Variants in HIBCH observed in about 807,000 individuals in gnomAD.
HIBCH encodes 3-hydroxyisobutyryl-CoA hydrolase, mitochondrial.
A neutral mutation model predicts 58.2 loss-of-function variants in HIBCH; 50 were observed. The observed-to-expected ratio is 0.86, with a 90% CI of 0.68 to 1.09. The LOEUF (loss-of-function observed/expected upper bound fraction) is 1.09, where lower values mean the gene tolerates loss of function less well. HIBCH is among the 50% of genes least tolerant of loss of function. The probability of loss-of-function intolerance (pLI) is 0.00; values close to 1 mark genes in which losing one functional copy is unlikely to be tolerated. For missense variants in HIBCH, 450 were observed against 449.7 expected (o/e 1.00, Z -0.01); for synonymous variants, 151 against 146.9 (o/e 1.03, Z -0.20).
intron 11 of HIBCH, among the ~76,000 whole-genome samples, chr2:190,229,865 T>C (rs939897817): frequency 6.6e-6 from 1 of 151,180 alleles, no homozygotes; most frequent in African/African-American, 2.4e-5. Context: ...TTAAGGAAAA[T>C]CTAAAACAGT....
intron 6 of HIBCH, among the ~76,000 whole-genome samples, chr2:190,267,207 T>C (rs1185563515): frequency 6.6e-6 from 1 of 152,058 alleles, no homozygotes; most frequent in Admixed American, 6.6e-5. Flanking sequence ...TTTGTTGTTG[T>C]TGTTTTGTTT....
intron 11 of HIBCH, among the ~76,000 whole-genome samples, chr2:190,240,366 T>A (rs867595753): frequency 6.6e-6 from 1 of 152,178 alleles, no homozygotes; most frequent in Non-Finnish European, 1.5e-5. Context: ...CATTTTTTAT[T>A]GTGTCTATTT....
chr2:190,239,186 A>G (rs1305025907), intron 11 of HIBCH, among the ~76,000 whole-genome samples: 1 of 152,240 alleles, frequency 6.6e-6, no homozygotes, highest in Non-Finnish European at 1.5e-5. Context: ...GCATATGGCT[A>G]GCCAAGTTTC....
intron 11 of HIBCH, among the ~76,000 whole-genome samples, chr2:190,225,622 T>C (rs2105914202): frequency 6.6e-6 from 1 of 152,316 alleles, no homozygotes; most frequent in South Asian, 2.1e-4. Context: ...ATTGAGGCAA[T>C]AATTAATAGC....
rs188339 is a variant in HIBCH at position 190,294,506 on chromosome 2, A to G, written c.304+40T>C. ...TTGACAATACTTGATCAGTTCTAGT[A>G]GGGGGAAAGAGCACTCAGGTGAAAG... On this transcript the variant is annotated intron_variant, in intron 4 of 13. Coordinates refer to ENST00000359678, the MANE Select transcript of HIBCH (RefSeq NM_014362.4). 953,471 of 1,276,878 alleles carry G rather than the reference A, an allele frequency of 0.75. 358,662 individuals are homozygous for G. Among genetic ancestry groups the G allele is most frequent in the Admixed American group, 0.77 (45,925 of 59,542 alleles). The allele number at this position is 1,276,878 out of a possible 1,614,324, so 79.1% of individuals were successfully genotyped here. A position where few individuals can be genotyped will look rare whatever the true frequency, so the allele number is the denominator to read the frequency against.
chr2:190,300,982 T>C (rs1190584567), intron 2 of HIBCH, among the ~76,000 whole-genome samples: 1 of 151,736 alleles, frequency 6.6e-6, no homozygotes, highest in African/African-American at 2.4e-5. Flanking sequence ...GGCTGTAAGT[T>C]AGTCAAAAGA....
At position 190,211,573 on chromosome 2, in the gene HIBCH, C is replaced by G. The variant is rs1690512748; in HGVS notation, c.1011+1383G>C. Among the ~76,000 whole-genome samples the G allele has an allele frequency of 6.6e-6, 1 of 152,298 alleles. No individual in the cohort carries two copies. The highest frequency in any genetic ancestry group is 2.4e-5 in the African/African-American group (1 of 41,580). On this transcript the variant is annotated intron_variant, in intron 12 of 13. Coordinates refer to ENST00000359678, the MANE Select transcript of HIBCH (RefSeq NM_014362.4). The surrounding 1 kb of genome is among the most constrained non-coding windows in gnomAD (Gnocchi z 5.0). ...TCTTCTCAACATACTCCTTTCTCATCCTTTAGGTCACAAATGAAGTGACAT... is the reference window on the plus strand; with the variant it reads ...TCTTCTCAACATACTCCTTTCTCATGCTTTAGGTCACAAATGAAGTGACAT...
In HIBCH at chr2:190,304,141, G is replaced by A. The variant is rs1370609070; in HGVS notation, c.78+6613C>T. Among the ~76,000 whole-genome samples the A allele has an allele frequency of 1.3e-5, 2 of 149,660 alleles. No homozygotes were observed. The highest frequency in any genetic ancestry group is 4.9e-5 in the African/African-American group (2 of 40,582). On this transcript the variant is annotated intron_variant, in intron 2 of 13. Coordinates refer to ENST00000359678, the MANE Select transcript of HIBCH (RefSeq NM_014362.4). This position sits in a 1 kb window ranked among gnomAD's most constrained non-coding sequence, Gnocchi z 4.1. ...TTGATTTCTGGAACAGAATATTAATGAAAAAAAACTGGTGAAATCCAAATA... is the reference window on the plus strand; with the variant it reads ...TTGATTTCTGGAACAGAATATTAATAAAAAAAAACTGGTGAAATCCAAATA...
chr2:190,294,020 G>GTATATATATATATATA (rs1413194024), intron 4 of HIBCH, among the ~76,000 whole-genome samples: 50 of 125,808 alleles, frequency 4.0e-4, no homozygotes, highest in Admixed American at 1.1e-3. Context: ...TATATTTTGT[G>GTATATATATATATATA]TGTATATATA....
At chr2:190,297,081 C>T (rs1014230822) in intron 2 of HIBCH, 128 bp from the exon 3 acceptor site, 9 of 834,432 alleles carry the variant, frequency 1.1e-5, no homozygotes, top group African/African-American at 1.7e-5. Flanking sequence ...TAACTAGGTA[C>T]ACCTTATAAG....
chr2:190,229,394 G>A (rs888995045), intron 11 of HIBCH, among the ~76,000 whole-genome samples: 2 of 152,190 alleles, frequency 1.3e-5, no homozygotes, highest in Non-Finnish European at 2.9e-5. Flanking sequence ...ATACATGGGT[G>A]TAATTTTGCT....
chr2:190,262,759 C>T (rs957810294), intron 6 of HIBCH, among the ~76,000 whole-genome samples: 1 of 152,140 alleles, frequency 6.6e-6, no homozygotes, highest in Non-Finnish European at 1.5e-5. Flanking sequence ...TCATTGATTC[C>T]ATTTGTTATC....
rs1206520360 is a variant in HIBCH, at chr2:190,204,307, CAG to C, written c.*808_*809del. On this transcript the variant is annotated 3_prime_UTR_variant, in exon 14 of 14. Transcript: ENST00000359678. ...AAGTCTTACGTAAATTATAAAAAAA[CAG>C]AGTGTCTCTATCTAAGAGATTGGAG... 2.6e-5 allele frequency: 4 copies of C among 151,970 alleles called. No individual in the cohort carries two copies. The highest frequency in any genetic ancestry group is 7.2e-5 in the African/African-American group (3 of 41,418). 9.4% of individuals were successfully genotyped at this position (151,970 alleles called of 1,614,324 possible).
chr2:190,224,343 T>C lies in HIBCH; in HGVS notation c.892-11268A>G, dbSNP rs145248785. On this transcript the variant is annotated intron_variant, in intron 11 of 13. Coordinates refer to ENST00000359678, the MANE Select transcript of HIBCH (RefSeq NM_014362.4). ...ACCTCTGGGGTCAGGGCTTAGCAAA[T>C]TGGATAAAGAGTCAAGACTCATCAG... 1.0e-3 allele frequency among the ~76,000 whole-genome samples: 158 copies of C among 152,102 alleles called. 1 individual carries two copies. The highest frequency in any genetic ancestry group is 1.7e-3 in the Admixed American group (26 of 15,282).
rs1386115498 is a variant in HIBCH at position 190,217,305 on chromosome 2, G to A, written c.892-4230C>T. On this transcript the variant is annotated intron_variant, in intron 11 of 13. Transcript: ENST00000359678. The surrounding 1 kb of genome is among the most constrained non-coding windows in gnomAD (Gnocchi z 4.6). ...TCAAGACCAGCCTGGCCAACATGGT[G>A]AAACCCTGTCTCCACTAAAACTACA... Among the ~76,000 whole-genome samples the A allele has an allele frequency of 1.3e-5, 2 of 152,174 alleles. No homozygotes were observed. The highest frequency in any genetic ancestry group is 3.9e-4 in the East Asian group (2 of 5,186).
rs965620651 is a variant in HIBCH at position 190,209,941 on chromosome 2, C to T, written c.1012-1028G>A. Among the ~76,000 whole-genome samples, 1 of 152,160 alleles carries T rather than the reference C, an allele frequency of 6.6e-6. No individual in the cohort carries two copies. Among genetic ancestry groups the T allele is most frequent in the African/African-American group, 2.4e-5 (1 of 41,434 alleles). On this transcript the variant is annotated intron_variant, in intron 12 of 13. Coordinates refer to ENST00000359678, the MANE Select transcript of HIBCH (RefSeq NM_014362.4). The surrounding 1 kb of genome is among the most constrained non-coding windows in gnomAD (Gnocchi z 5.6). ...ATCCTAGGATTATTTTAATCCACATCCAAGCACAGTGTCCGACACTAAGTG... is the reference window on the plus strand; with the variant it reads ...ATCCTAGGATTATTTTAATCCACATTCAAGCACAGTGTCCGACACTAAGTG...
rs1559068253 is a variant in HIBCH, at chr2:190,314,300, CATATATATGTGTATATATATGTATATAT to C, written c.36-3532_36-3505del. 1.5e-3 allele frequency among the ~76,000 whole-genome samples: 64 copies of C among 42,406 alleles called. 1 individual carries two copies. The highest frequency in any genetic ancestry group is 8.6e-3 in the South Asian group (8 of 932). 27.8% of individuals were successfully genotyped at this position (42,406 alleles called of 152,430 possible). A position where few individuals can be genotyped will look rare whatever the true frequency, so the allele number is the denominator to read the frequency against. ...AAAAATATATATATATGTATATATA[CATATATATGTGTATATATATGTATATAT>C]GTATATATACATATATATGTGTATA... On this transcript the variant is annotated intron_variant, in intron 1 of 13. Coordinates refer to ENST00000359678, the MANE Select transcript of HIBCH (RefSeq NM_014362.4).
intron 11 of HIBCH, among the ~76,000 whole-genome samples, chr2:190,244,024 T>C (rs1217622760): frequency 6.6e-6 from 1 of 152,124 alleles, no homozygotes. Context: ...TTTTCACCTT[T>C]ACAGGTAAGA....
At chr2:190,299,703 G>A (rs1488343009) in intron 2 of HIBCH, among the ~76,000 whole-genome samples, 2 of 152,004 alleles carry the variant, frequency 1.3e-5, no homozygotes, top group Non-Finnish European at 2.9e-5. Context: ...TTAGGTTCAG[G>A]GTACATGCGC....
Sources: gnomAD v4.1 joint callset for allele counts (sites outside exome capture counted in the v4.1 genomes callset) on GRCh38, gnomAD v4.1.1 for gene constraint, Gnocchi (gnomAD v3.1) non-coding constraint, MANE v1.5 for transcripts, NCBI Gene and HGNC (gene_info 2026-07-23, HGNC 2026-07-21) for gene names.